PTPN4: variants seen among roughly 807,000 people sequenced by gnomAD.
The protein encoded by PTPN4 is protein tyrosine phosphatase non-receptor type 4, also known as tyrosine-protein phosphatase non-receptor type 4.
A neutral mutation model predicts 135.5 loss-of-function variants in PTPN4; 49 were observed. The observed-to-expected ratio is 0.36, with a 90% CI of 0.29 to 0.46. The LOEUF (loss-of-function observed/expected upper bound fraction) is 0.46. Among genes scored for constraint, PTPN4 ranks in the 20% least tolerant of loss-of-function variants. The pLI, the probability that PTPN4 is intolerant of heterozygous loss-of-function variation, is 1.00. For missense variants in PTPN4, 860 were observed against 1,101.0 expected (o/e 0.78, Z 3.10); for synonymous variants, 333 against 369.9 (o/e 0.90, Z 1.14).
chr2:119,760,528 C>G, intron 1 of PTPN4, 144 bp downstream of exon 1: 1 of 378,882 alleles, frequency 2.6e-6, no homozygotes, highest in Non-Finnish European at 4.7e-6. Flanking sequence ...GAAAAAAGGA[C>G]AAAAACAAAC....
intron 11 of PTPN4, chr2:119,916,399 A>T (rs1442775626): frequency 6.6e-6 from 1 of 152,112 alleles, no homozygotes; most frequent in Admixed American, 6.5e-5. Context: ...TCTTTGAATC[A>T]GCTCTGTTGT....
At chr2:119,902,382 T>A (rs2105015892) in intron 10 of PTPN4, among the ~76,000 whole-genome samples, 1 of 152,234 alleles carries the variant, frequency 6.6e-6, no homozygotes, top group Non-Finnish European at 1.5e-5. Context: ...AAACAAAAAT[T>A]GATTGAATTT....
intron 2 of PTPN4, among the ~76,000 whole-genome samples, chr2:119,861,718 C>T (rs1424337133): frequency 6.6e-6 from 1 of 151,966 alleles, no homozygotes; most frequent in Non-Finnish European, 1.5e-5. Context: ...TTTAACTGAA[C>T]ATGTTGATCA....
In PTPN4 at chr2:119,977,153, G is replaced by T. The variant is rs1197590601; in HGVS notation, c.*83G>T. ...GCCATAATGCTGCTCGCAGGAAATGGCATTTTACAAAAAAAAAATGAAGAA... is the reference window on the plus strand; with the variant it reads ...GCCATAATGCTGCTCGCAGGAAATGTCATTTTACAAAAAAAAAATGAAGAA... On this transcript the variant is annotated 3_prime_UTR_variant, in exon 27 of 27. Coordinates refer to ENST00000263708, the MANE Select transcript of PTPN4 (RefSeq NM_002830.4). 4.4e-6 allele frequency: 6 copies of T among 1,366,004 alleles called. No individual in the cohort carries two copies. Among genetic ancestry groups the T allele is most frequent in the South Asian group, 2.0e-5 (1 of 49,992 alleles). The allele number at this position is 1,366,004 out of a possible 1,614,324, so 84.6% of individuals were successfully genotyped here.
chr2:119,876,447 A>G (rs1437322031), intron 3 of PTPN4, among the ~76,000 whole-genome samples: 2 of 152,188 alleles, frequency 1.3e-5, no homozygotes, highest in Non-Finnish European at 2.9e-5. Flanking sequence ...AGAGGAAATC[A>G]TTGTTAATTA....
At position 119,945,197 on chromosome 2, in the gene PTPN4, T is replaced by A. The variant is rs1486869036; in HGVS notation, c.1472T>A (p.Ile491Asn). 5.6e-6 allele frequency: 9 copies of A among 1,594,072 alleles called. No homozygotes were observed. Among genetic ancestry groups the A allele is most frequent in the Non-Finnish European group, 7.7e-6 (9 of 1,171,792 alleles). ...SHSQQDLESH[I>N]NETFDIPSSP... ...TCGCAACAAGATCTAGAAAGTCATA[T>A]TAATGAAACATTTGATATTCCATCT... is the stretch of plus-strand genomic sequence containing the variant. Residue 491 changes from isoleucine (I) to asparagine (N), a missense_variant, in exon 16 of 27, where the codon ATT becomes AAT. By Grantham distance (149) the Ile-to-Asn change is moderately radical. Coordinates refer to ENST00000263708, the MANE Select transcript of PTPN4 (RefSeq NM_002830.4).
At chr2:119,804,580 T>G (rs1691434579) in intron 1 of PTPN4, among the ~76,000 whole-genome samples, 1 of 152,204 alleles carries the variant, frequency 6.6e-6, no homozygotes. Context: ...ATTTCCAGTT[T>G]CATCCATGTC....
chr2:119,892,049 G>A (rs975600990), intron 9 of PTPN4, among the ~76,000 whole-genome samples: 2 of 152,200 alleles, frequency 1.3e-5, no homozygotes, highest in Admixed American at 1.3e-4. Context: ...ATAGCAGTGA[G>A]TAAAGTAGAT....
chr2:119,903,122 G>A (rs1225372721), intron 10 of PTPN4, among the ~76,000 whole-genome samples: 11 of 152,142 alleles, frequency 7.2e-5, no homozygotes, highest in Admixed American at 7.2e-4. Flanking sequence ...TGGGGAATGG[G>A]CAGTGCAGTG....
At chr2:119,899,646 A>G (rs896886012) in intron 9 of PTPN4, among the ~76,000 whole-genome samples, 14 of 152,180 alleles carry the variant, frequency 9.2e-5, no homozygotes, top group African/African-American at 1.7e-4. Flanking sequence ...TAATAGGAGT[A>G]TATATTTACC....
intron 2 of PTPN4, among the ~76,000 whole-genome samples, chr2:119,837,222 G>A (rs1677307912): frequency 6.6e-6 from 1 of 152,188 alleles, no homozygotes; most frequent in Non-Finnish European, 1.5e-5. Flanking sequence ...TCACACAGAT[G>A]TTGGGATTTA....
At chr2:119,826,026 C>G (rs1334640338) in intron 2 of PTPN4, among the ~76,000 whole-genome samples, 2 of 152,124 alleles carry the variant, frequency 1.3e-5, no homozygotes, top group African/African-American at 4.8e-5. Flanking sequence ...ATTAGAAGTT[C>G]AGATTGGTGC....
chr2:119,841,041 CTTTTTTCT>C (rs1558741427), intron 2 of PTPN4, among the ~76,000 whole-genome samples: 1 of 151,724 alleles, frequency 6.6e-6, no homozygotes, highest in Non-Finnish European at 1.5e-5. Flanking sequence ...CTCTGATAGG[CTTTTTTCT>C]TTTTTTCTTT....
intron 12 of PTPN4, among the ~76,000 whole-genome samples, chr2:119,924,346 G>A (rs1172260267): frequency 6.6e-6 from 1 of 151,628 alleles, no homozygotes; most frequent in Non-Finnish European, 1.5e-5. Context: ...ATATACCATA[G>A]TTTCATTGTA....
Position 119,983,584 on chromosome 2 carries a change from A to T in PTPN4, c.*6514A>T, listed in dbSNP as rs1409034261. ...ATTTTAAATAGTTGCACTTTATTTC[A>T]TGCTGACCACCAACTTAATTTATAC... On this transcript the variant is annotated 3_prime_UTR_variant, in exon 27 of 27. Transcript: ENST00000263708. The T allele has an allele frequency of 6.6e-6, 1 of 152,232 alleles. No homozygotes were observed. Among genetic ancestry groups the T allele is most frequent in the Non-Finnish European group, 1.5e-5 (1 of 68,042 alleles). The allele number at this position is 152,232 out of a possible 1,614,324, so 9.4% of individuals were successfully genotyped here.
At chr2:119,812,939 G>A (rs952836512) in intron 2 of PTPN4, among the ~76,000 whole-genome samples, 8 of 152,156 alleles carry the variant, frequency 5.3e-5, no homozygotes, top group Non-Finnish European at 1.2e-4. Flanking sequence ...AGGAAGGGCT[G>A]GGAGGACCAG....
In PTPN4 at chr2:119,922,549, A is replaced by G. The variant is rs564019405; in HGVS notation, c.1001+2308A>G. The stretch of plus-strand genomic sequence containing the variant: ...AGGATAAACCCCACTTAGCCATGAT[A>G]TCCTTTATATATATTGTTTGATTCA... On this transcript the variant is annotated intron_variant, in intron 12 of 26. Transcript: ENST00000263708. 2.6e-5 allele frequency among the ~76,000 whole-genome samples: 4 copies of G among 152,256 alleles called. No individual in the cohort carries two copies. The East Asian group carries it at 7.7e-4, about 29-fold the overall frequency.
Position 119,910,054 on chromosome 2 carries a change from A to C in PTPN4, c.765-5125A>C, listed in dbSNP as rs566929730. Among the ~76,000 whole-genome samples the C allele has an allele frequency of 2.0e-5, 3 of 152,218 alleles. No homozygotes were observed. The South Asian group carries it at 6.2e-4, about 32-fold the overall frequency. On this transcript the variant is annotated intron_variant, in intron 10 of 26. Transcript: ENST00000263708. ...TAAATGACAACAAAGAATATAGACT[A>C]TTTCATGATAAAGCAGCAGCTGGGT...
chr2:119,847,191 T>C (rs1288769182), intron 2 of PTPN4, among the ~76,000 whole-genome samples: 3 of 146,354 alleles, frequency 2.0e-5, no homozygotes, highest in Admixed American at 6.8e-5. Flanking sequence ...TAAAAAAATA[T>C]ATAGAGTATA....
Sources: allele counts gnomAD v4.1 joint callset (sites outside exome capture counted in the v4.1 genomes callset), GRCh38; gene constraint gnomAD v4.1.1; transcripts MANE v1.5; gene names NCBI Gene and HGNC (gene_info 2026-07-23, HGNC 2026-07-21).